CSGALNACT1: variants seen among roughly 807,000 people sequenced by gnomAD.
CSGALNACT1 encodes chondroitin sulfate N-acetylgalactosaminyltransferase 1.
In CSGALNACT1, 52 loss-of-function variants were observed where a neutral mutation model predicts 51.0. The observed-to-expected ratio is 1.02, with a 90% confidence interval of 0.82 to 1.29. CSGALNACT1 has a LOEUF of 1.29. Among genes scored for constraint, CSGALNACT1 ranks in the 50% most tolerant of loss-of-function variants. The pLI, the probability that CSGALNACT1 is intolerant of heterozygous loss-of-function variation, is 0.00. For missense variants in CSGALNACT1, 935 were observed against 679.2 expected (o/e 1.38, Z -4.19); for synonymous variants, 341 against 254.4 (o/e 1.34, Z -3.24).
chr8:19,503,826 A>G (rs1366072094), intron 4 of CSGALNACT1, among the ~76,000 whole-genome samples: 1 of 151,088 alleles, frequency 6.6e-6, no homozygotes, highest in African/African-American at 2.4e-5. Context: ...CTTGTAAAAG[A>G]TTTCTTTACC....
intron 4 of CSGALNACT1, among the ~76,000 whole-genome samples, chr8:19,483,196 G>A (rs557084015): frequency 6.6e-6 from 1 of 152,284 alleles, no homozygotes; most frequent in Admixed American, 6.5e-5. Context: ...CCTCTAGGCT[G>A]AGTCCCTCCA....
At chr8:19,614,198 C>CA (rs2154154669) in intron 1 of CSGALNACT1, among the ~76,000 whole-genome samples, 1 of 152,276 alleles carries the variant, frequency 6.6e-6, no homozygotes, top group Middle Eastern at 3.4e-3. Context: ...CCTGATAACT[C>CA]ATTCAATACT....
At chr8:19,617,391 A>G (rs190758415) in intron 1 of CSGALNACT1, among the ~76,000 whole-genome samples, 6 of 152,300 alleles carry the variant, frequency 3.9e-5, no homozygotes, top group Admixed American at 3.3e-4. Context: ...TTTTCTTTAA[A>G]AAGAAATACC....
At chr8:19,418,742 C>G (rs1585543927) in exon 8 of CSGALNACT1, 27 of 1,607,222 alleles carry the variant, frequency 1.7e-5, no homozygotes, top group Non-Finnish European at 2.2e-5. Flanking sequence ...GGATAAAATA[C>G]CTTCTTCCCT....
intron 1 of CSGALNACT1, among the ~76,000 whole-genome samples, chr8:19,675,150 G>A (rs113432505): frequency 5.9e-5 from 9 of 152,194 alleles, no homozygotes; most frequent in African/African-American, 2.2e-4. Context: ...AGCTATCATG[G>A]TAAGTGCCCA....
intron 5 of CSGALNACT1, among the ~76,000 whole-genome samples, chr8:19,444,520 T>C (rs571816952): frequency 5.3e-5 from 8 of 152,286 alleles, no homozygotes; most frequent in South Asian, 2.1e-4. Context: ...TTTTGTGATA[T>C]TGATATTTTA....
Position 19,545,670 on chromosome 8 carries a change from A to T in CSGALNACT1, c.-296-39540T>A, listed in dbSNP as rs554872122. Among the ~76,000 whole-genome samples, 19 of 152,044 alleles carry T rather than the reference A, an allele frequency of 1.2e-4. No homozygotes were observed. The South Asian group carries it at 3.7e-3, about 30-fold the overall frequency. On this transcript the variant is annotated intron_variant, in intron 3 of 9. Transcript: ENST00000454498. ...GTAGTAAAACAATAAGGGAGAAAAA[A>T]CGTAAGGAAATGGTTAATGCGAAAC... is the stretch of plus-strand genomic sequence containing the variant.
At chr8:19,542,737 C>A (rs2085507787) in intron 3 of CSGALNACT1, among the ~76,000 whole-genome samples, 1 of 152,038 alleles carries the variant, frequency 6.6e-6, no homozygotes, top group African/African-American at 2.4e-5. Flanking sequence ...TCCAAAACCC[C>A]ATCATTTTTT....
rs2041409308 is a variant in CSGALNACT1 at position 19,564,141 on chromosome 8, A to T, written c.-297+27019T>A. 1.3e-5 allele frequency among the ~76,000 whole-genome samples: 2 copies of T among 152,202 alleles called. 1 individual carries two copies. The highest frequency in any genetic ancestry group is 4.1e-4 in the South Asian group (2 of 4,830). On this transcript the variant is annotated intron_variant, in intron 3 of 9. Coordinates refer to ENST00000454498, the Ensembl canonical transcript of CSGALNACT1. Reference sequence around the variant, plus strand: ...TCTTTCACTGAACTTAACGCACAGAACATTTCGCAAACTTTTAAAAGAGGA... The same window carrying T: ...TCTTTCACTGAACTTAACGCACAGATCATTTCGCAAACTTTTAAAAGAGGA...
intron 2 of CSGALNACT1, among the ~76,000 whole-genome samples, chr8:19,600,991 T>C (rs2050300421): frequency 1.3e-5 from 2 of 152,160 alleles, no homozygotes; most frequent in South Asian, 4.1e-4. Flanking sequence ...AAAAAGACTC[T>C]CTGCTGAAGC....
At chr8:19,669,381 T>C (rs561864793) in intron 1 of CSGALNACT1, among the ~76,000 whole-genome samples, 6 of 152,328 alleles carry the variant, frequency 3.9e-5, no homozygotes, top group African/African-American at 1.2e-4. Flanking sequence ...ACTACAAACA[T>C]TCAAAGCACA....
intron 1 of CSGALNACT1, among the ~76,000 whole-genome samples, chr8:19,745,872 G>A (rs1417956298): frequency 6.6e-6 from 1 of 152,144 alleles, no homozygotes; most frequent in African/African-American, 2.4e-5. Flanking sequence ...AGCAGGGAAG[G>A]AATATAAGTA....
At chr8:19,460,363 TG>T (rs2065093411) in intron 4 of CSGALNACT1, among the ~76,000 whole-genome samples, 1 of 152,242 alleles carries the variant, frequency 6.6e-6, no homozygotes, top group Non-Finnish European at 1.5e-5. Context: ...AATCTCTTTC[TG>T]GGGGCTTAAT....
At chr8:19,471,707 G>C (rs1182047393) in intron 4 of CSGALNACT1, among the ~76,000 whole-genome samples, 3 of 152,176 alleles carry the variant, frequency 2.0e-5, no homozygotes, top group East Asian at 3.9e-4. Flanking sequence ...GAAAGGTAGA[G>C]TACAAGGACA....
chr8:19,740,312 C>T (rs1042725958), intron 1 of CSGALNACT1, among the ~76,000 whole-genome samples: 8 of 152,222 alleles, frequency 5.3e-5, no homozygotes, highest in Non-Finnish European at 1.2e-4. Context: ...ACATGACAGC[C>T]TGCCACACTC....
At chr8:19,704,697 G>T (rs1046985938) in intron 1 of CSGALNACT1, among the ~76,000 whole-genome samples, 1 of 152,112 alleles carries the variant, frequency 6.6e-6, no homozygotes, top group African/African-American at 2.4e-5. Flanking sequence ...TGGATGGATG[G>T]GTGGATAAAT....
At chr8:19,466,410 C>T (rs1215477973) in intron 4 of CSGALNACT1, among the ~76,000 whole-genome samples, 1 of 152,156 alleles carries the variant, frequency 6.6e-6, no homozygotes, top group Non-Finnish European at 1.5e-5. Context: ...CCCGCAATAG[C>T]ACAAATCTGT....
At chr8:19,599,512 G>GAAA (rs1403300481) in intron 2 of CSGALNACT1, among the ~76,000 whole-genome samples, 1 of 125,666 alleles carries the variant, frequency 8.0e-6, no homozygotes, top group Non-Finnish European at 1.7e-5. Flanking sequence ...AAGAAAGAAA[G>GAAA]AAAGAAAGAA....
intron 1 of CSGALNACT1, among the ~76,000 whole-genome samples, chr8:19,700,530 T>A (rs1229832039): frequency 1.3e-5 from 2 of 152,200 alleles, no homozygotes; most frequent in Non-Finnish European, 2.9e-5. Context: ...GACACAGCCT[T>A]CCTCACCATT....
Sources: gnomAD v4.1 joint callset for allele counts (sites outside exome capture counted in the v4.1 genomes callset) on GRCh38, gnomAD v4.1.1 for gene constraint, MANE v1.5 for transcripts, NCBI Gene and HGNC (gene_info 2026-07-23, HGNC 2026-07-21) for gene names.